Variants in PPM1H observed in about 807,000 individuals in gnomAD.
PPM1H encodes protein phosphatase, Mg2+/Mn2+ dependent 1H, also known as protein phosphatase 1H.
Under a neutral mutation model 54.9 loss-of-function variants are expected in PPM1H, and 27 were observed. The ratio of observed to expected loss-of-function variants is 0.49; its 90% CI spans 0.36 to 0.68. The LOEUF (loss-of-function observed/expected upper bound fraction) is 0.68. PPM1H is among the 30% of genes least tolerant of loss of function. The pLI is 0.00. For synonymous variants in PPM1H, 305 were observed against 270.8 expected (o/e 1.13, Z -1.24); for missense variants, 596 against 667.8 (o/e 0.89, Z 1.19).
chr12:62,840,024 G>A (rs1390361398), intron 1 of PPM1H: 2 of 151,014 alleles, frequency 1.3e-5, no homozygotes, highest in Non-Finnish European at 2.9e-5. Context: ...CTGGATGATA[G>A]AATAAGACCG....
At chr12:62,850,903 G>A (rs1869160213) in intron 1 of PPM1H, 1 of 151,512 alleles carries the variant, frequency 6.6e-6, no homozygotes, top group Admixed American at 6.6e-5. Context: ...GGTAAGAATG[G>A]GATATAGAAT....
At chr12:62,881,776 G>C (rs939011732) in intron 1 of PPM1H, among the ~76,000 whole-genome samples, 1 of 152,138 alleles carries the variant, frequency 6.6e-6, no homozygotes, top group African/African-American at 2.4e-5. Flanking sequence ...CTCCTCTCCA[G>C]AAACAGGGTC....
intron 4 of PPM1H, among the ~76,000 whole-genome samples, chr12:62,747,510 T>G (rs771932786): frequency 1.6e-4 from 25 of 152,188 alleles, no homozygotes; most frequent in Non-Finnish European, 8.8e-5. Context: ...AGTGTTGGGA[T>G]GGCAGGCATG....
In PPM1H at chr12:62,788,279, G is replaced by A. The variant is rs146339713; in HGVS notation, c.816C>T (p.Leu272=). ...SYNISGGCTA[L]IVICLLGKLY... is the part of the protein sequence containing the mutation. ...GCTTCCCCAAAAGGCAAATCACAATGAGGGCCGTGCAGCCACCAGATATAT... is the reference window on the plus strand; with the variant it reads ...GCTTCCCCAAAAGGCAAATCACAATAAGGGCCGTGCAGCCACCAGATATAT... The change falls in exon 4 of 10, where the codon CTC becomes CTT. Residue 272 remains leucine (L), a synonymous_variant. Coordinates refer to ENST00000228705, the MANE Select transcript of PPM1H (RefSeq NM_020700.2). 32 of 1,599,086 alleles carry A rather than the reference G, an allele frequency of 2.0e-5. No individual in the cohort carries two copies. In the African/African-American group the frequency reaches 3.9e-4, roughly 19 times the overall value.
At chr12:62,670,183 G>A (rs552776518) in intron 8 of PPM1H, among the ~76,000 whole-genome samples, 3 of 151,626 alleles carry the variant, frequency 2.0e-5, no homozygotes, top group African/African-American at 7.3e-5. Context: ...CTCCATGCTG[G>A]TCAGGCTGGT....
chr12:62,687,374 C>T (rs957676566), intron 8 of PPM1H, among the ~76,000 whole-genome samples: 1 of 152,166 alleles, frequency 6.6e-6, no homozygotes, highest in African/African-American at 2.4e-5. Flanking sequence ...CTCAAGCAAT[C>T]CTCTCACCTC....
intron 3 of PPM1H, among the ~76,000 whole-genome samples, chr12:62,789,208 TCTCA>T (rs1275906066): frequency 6.6e-6 from 1 of 152,048 alleles, no homozygotes; most frequent in Non-Finnish European, 1.5e-5. Flanking sequence ...GGGGACAGGG[TCTCA>T]CTATGTTGCC....
Position 62,931,521 on chromosome 12 carries a change from T to G in PPM1H, c.245+2971A>C, listed in dbSNP as rs75602943. On this transcript the variant is annotated intron_variant, in intron 1 of 9. Transcript: ENST00000228705. The stretch of plus-strand genomic sequence containing the variant: ...TTCAAGATATAAGGAAGCGGTACAG[T>G]ATATTATCTGACAGGGTTAAAGGTG... 5.4e-3 allele frequency among the ~76,000 whole-genome samples: 820 copies of G among 152,308 alleles called. 7 individuals carry two copies. Among genetic ancestry groups the G allele is most frequent in the African/African-American group, 0.014 (576 of 41,564 alleles).
chr12:62,800,559 GA>G (rs1444535913), intron 3 of PPM1H, among the ~76,000 whole-genome samples: 3 of 151,790 alleles, frequency 2.0e-5, no homozygotes, highest in African/African-American at 7.3e-5. Flanking sequence ...GGCTGGTCTC[GA>G]ACTCCTGACC....
At chr12:62,894,762 T>C (rs1314387392) in intron 1 of PPM1H, among the ~76,000 whole-genome samples, 1 of 152,206 alleles carries the variant, frequency 6.6e-6, no homozygotes, top group East Asian at 1.9e-4. Flanking sequence ...CTAGGCGCCG[T>C]GGCTCACGCC....
chr12:62,839,538 G>A (rs1428576125), intron 1 of PPM1H, among the ~76,000 whole-genome samples: 1 of 151,948 alleles, frequency 6.6e-6, no homozygotes, highest in African/African-American at 2.4e-5. Flanking sequence ...GATAGGACAT[G>A]TCCTTGCTAG....
intron 1 of PPM1H, among the ~76,000 whole-genome samples, chr12:62,867,195 G>A (rs1320340291): frequency 6.6e-6 from 1 of 152,080 alleles, no homozygotes; most frequent in Admixed American, 6.5e-5. Flanking sequence ...CATTAAATTT[G>A]GCTGACACTT....
At position 62,679,221 on chromosome 12, in the gene PPM1H, G is replaced by A. The variant is rs183967361; in HGVS notation, c.1245+10478C>T. 5.0e-3 allele frequency among the ~76,000 whole-genome samples: 757 copies of A among 152,128 alleles called. 2 individuals are homozygous for A. Among genetic ancestry groups the A allele is most frequent in the Non-Finnish European group, 8.2e-3 (558 of 67,992 alleles). On this transcript the variant is annotated intron_variant, in intron 8 of 9. Coordinates refer to ENST00000228705, the MANE Select transcript of PPM1H (RefSeq NM_020700.2). ...AGGATGGTCTTGATCTCTTGACCTCGTGATCTGCCCGCCTCAGCCTCCCAA... is the reference window on the plus strand; with the variant it reads ...AGGATGGTCTTGATCTCTTGACCTCATGATCTGCCCGCCTCAGCCTCCCAA...
intron 7 of PPM1H, among the ~76,000 whole-genome samples, chr12:62,692,674 C>T (rs2076089544): frequency 6.6e-6 from 1 of 152,084 alleles, no homozygotes; most frequent in Non-Finnish European, 1.5e-5. Context: ...TTAATGGTGC[C>T]CATTGTACCA....
intron 1 of PPM1H, among the ~76,000 whole-genome samples, chr12:62,922,510 G>A (rs928710670): frequency 3.3e-5 from 5 of 152,066 alleles, no homozygotes; most frequent in Middle Eastern, 3.4e-3. Context: ...ATTAGACCAG[G>A]GCCTTAATAA....
chr12:62,882,966 GA>G (rs1355612666), intron 1 of PPM1H, among the ~76,000 whole-genome samples: 1 of 151,534 alleles, frequency 6.6e-6, no homozygotes, highest in Non-Finnish European at 1.5e-5. Context: ...TTCAACCTCT[GA>G]AACTCAGCCT....
At position 62,921,241 on chromosome 12, in the gene PPM1H, T is replaced by A. The variant is rs192574623; in HGVS notation, c.245+13251A>T. ...ACCACGCCCGTTCATATTTTCATTT[T>A]AAAAAAAATCAATTTATCACAAGAT... On this transcript the variant is annotated intron_variant, in intron 1 of 9. Transcript: ENST00000228705. Among the ~76,000 whole-genome samples, 1,288 of 152,132 alleles carry A rather than the reference T, an allele frequency of 8.5e-3. 19 individuals carry two copies. The highest frequency in any genetic ancestry group is 0.029 in the African/African-American group (1,183 of 41,472).
At chr12:62,925,055 G>A (rs1328105688) in intron 1 of PPM1H, among the ~76,000 whole-genome samples, 1 of 151,658 alleles carries the variant, frequency 6.6e-6, no homozygotes, top group African/African-American at 2.4e-5. Flanking sequence ...CTCAAAAAAA[G>A]GAAATGCACT....
intron 1 of PPM1H, among the ~76,000 whole-genome samples, chr12:62,852,074 C>T (rs923499280): frequency 1.3e-4 from 20 of 151,476 alleles, no homozygotes; most frequent in Non-Finnish European, 2.4e-4. Flanking sequence ...ACTAAAAATA[C>T]AAAAATTAGC....
Sources: gnomAD v4.1 joint callset for allele counts (sites outside exome capture counted in the v4.1 genomes callset) on GRCh38, gnomAD v4.1.1 for gene constraint, MANE v1.5 for transcripts, NCBI Gene and HGNC (gene_info 2026-07-23, HGNC 2026-07-21) for gene names.